Variants in TUBA8 observed in about 807,000 individuals in gnomAD.
The protein encoded by TUBA8 is tubulin alpha 8.
A neutral mutation model predicts 34.7 loss-of-function variants in TUBA8; 29 were observed. The observed-to-expected ratio is 0.84, with a 90% CI of 0.62 to 1.14. TUBA8 has a LOEUF of 1.14. TUBA8 is among the 50% of genes most tolerant of loss of function. The pLI is 0.00. For synonymous variants in TUBA8, 226 were observed against 231.2 expected (o/e 0.98, Z 0.21); for missense variants, 541 against 599.2 (o/e 0.90, Z 1.01).
In TUBA8 at chr22:18,130,984, G is replaced by A. The variant is rs201907012; in HGVS notation, c.1198G>A (p.Ala400Thr). Residue 400 changes from alanine to threonine, a missense_variant, in exon 5 of 5, where the codon GCC becomes ACC. Coordinates refer to ENST00000330423, the MANE Select transcript of TUBA8 (RefSeq NM_018943.3). ...CGACCACAAGTTCGACCTCATGTACGCCAAGCGGGCCTTTGTGCATTGGTA... is the reference window on the plus strand; with the variant it reads ...CGACCACAAGTTCGACCTCATGTACACCAAGCGGGCCTTTGTGCATTGGTA... ...RLDHKFDLMY[A>T]KRAFVHWYVG... 12 of 1,614,036 alleles carry A rather than the reference G, an allele frequency of 7.4e-6. No homozygotes were observed. Among genetic ancestry groups the A allele is most frequent in the Admixed American group, 5.0e-5 (3 of 60,004 alleles).
intron 1 of TUBA8, chr22:18,115,815 C>T (rs1927952561): frequency 6.6e-6 from 1 of 152,190 alleles, no homozygotes; most frequent in Admixed American, 6.5e-5. Context: ...GCTATCCCAG[C>T]GTGAGGTCTG....
intron 4 of TUBA8, chr22:18,129,145 G>T (rs1383506519): frequency 6.6e-6 from 1 of 151,976 alleles, no homozygotes; most frequent in Admixed American, 6.5e-5. Context: ...TAATCATCCT[G>T]GCAAAACCAG....
Position 18,124,242 on chromosome 22 carries a change from C to G in TUBA8, c.313C>G (p.Arg105Gly). ...GGAGGATGCAGCCAACAACTATGCC[C>G]GGGGCCACTACACGGTGGGCAAGGA... ...GKEDAANNYA[R>G]GHYTVGKESI... Residue 105 changes from arginine to glycine, a missense_variant, in exon 3 of 5, where the codon CGG becomes GGG. By Grantham distance (125) the Arg-to-Gly change is moderately radical. Coordinates refer to ENST00000330423, the MANE Select transcript of TUBA8 (RefSeq NM_018943.3). This position sits in a 1 kb window ranked among gnomAD's most constrained non-coding sequence, Gnocchi z 4.3. The G allele has an allele frequency of 1.2e-6, 2 of 1,614,122 alleles. No individual in the cohort carries two copies. Among genetic ancestry groups the G allele is most frequent in the Non-Finnish European group, 1.7e-6 (2 of 1,180,028 alleles).
chr22:18,123,968 C>A, intron 2 of TUBA8, 188 bp from the exon 3 acceptor site: 1 of 682,760 alleles, frequency 1.5e-6, no homozygotes, highest in Non-Finnish European at 2.5e-6. Flanking sequence ...CAGGCCTTGG[C>A]TCTGTTAGTC....
Position 18,126,734 on chromosome 22 carries a change from C to T in TUBA8, c.756C>T (p.Leu252=). 6.2e-7 allele frequency: 1 copy of T among 1,614,140 alleles called. No individual in the cohort carries two copies. The highest frequency in any genetic ancestry group is 8.5e-7 in the Non-Finnish European group (1 of 1,180,020). ...LRFDGALNVD[L]TEFQTNLVPY... is the part of the protein sequence containing the mutation. ...TTGACGGGGCCCTCAATGTGGACCT[C>T]ACTGAGTTCCAGACCAACCTGGTGC... is the stretch of plus-strand genomic sequence containing the variant. Residue 252 remains leucine (L), a synonymous_variant, in exon 4 of 5, where the codon CTC becomes CTT. Transcript: ENST00000330423. This position sits in a 1 kb window ranked among gnomAD's most constrained non-coding sequence, Gnocchi z 4.0.
Position 18,122,229 on chromosome 22 carries a change from C to G in TUBA8, c.226+528C>G, listed in dbSNP as rs3788286. 8.0e-4 allele frequency: 127 copies of G among 157,996 alleles called. 2 individuals are homozygous for G. The East Asian group carries it at 0.017, about 21-fold the overall frequency. 9.8% of individuals were successfully genotyped at this position (157,996 alleles called of 1,614,324 possible). On this transcript the variant is annotated intron_variant, in intron 2 of 4. Coordinates refer to ENST00000330423, the MANE Select transcript of TUBA8 (RefSeq NM_018943.3). ...TCTAGGCAGATCTCCCCTTCCCACA[C>G]TATCCCCCAGTAGTGCCACTTCCCC... is the stretch of plus-strand genomic sequence containing the variant.
chr22:18,116,967 C>T (rs774727066), intron 1 of TUBA8: 6 of 152,240 alleles, frequency 3.9e-5, no homozygotes, highest in African/African-American at 1.2e-4. Context: ...AACTTCAAAG[C>T]CCTAGCAATG....
intron 1 of TUBA8, chr22:18,117,811 A>T (rs1928019358): frequency 6.6e-6 from 1 of 151,346 alleles, no homozygotes; most frequent in African/African-American, 2.4e-5. Flanking sequence ...AATAAAAAAA[A>T]TTAAGAAAAA....
In TUBA8 at chr22:18,111,124, G is replaced by A. The variant is rs60765318; in HGVS notation, c.3+256G>A. ...AAGGGAGCTTTGCGTGCAGACGAGG[G>A]GGAGGGAGGCCCTGGGGAGCCCGAC... On this transcript the variant is annotated intron_variant, in intron 1 of 4. Coordinates refer to ENST00000330423, the MANE Select transcript of TUBA8 (RefSeq NM_018943.3). The surrounding 1 kb of genome is among the most constrained non-coding windows in gnomAD (Gnocchi z 5.1). 2,125 of 597,760 alleles carry A rather than the reference G, an allele frequency of 3.6e-3. 37 individuals are homozygous for A. The highest frequency in any genetic ancestry group is 0.033 in the African/African-American group (1,765 of 52,890). The allele number at this position is 597,760 out of a possible 1,614,324, so 37.0% of individuals were successfully genotyped here.
chr22:18,124,048 A>G lies in TUBA8; in HGVS notation c.227-108A>G. The G allele has an allele frequency of 7.1e-7, 1 of 1,406,690 alleles. No individual in the cohort carries two copies. The highest frequency in any genetic ancestry group is 1.4e-5 in the African/African-American group (1 of 71,176). The allele number at this position is 1,406,690 out of a possible 1,614,324, so 87.1% of individuals were successfully genotyped here. A position where few individuals can be genotyped will look rare whatever the true frequency, so the allele number is the denominator to read the frequency against. ...CGAGGTGGTCTGGCTTCAAACCTCC[A>G]TGGAGTTTTATAGGTAGGGGAGAAC... On this transcript the variant is annotated intron_variant, in intron 2 of 4. Coordinates refer to ENST00000330423, the MANE Select transcript of TUBA8 (RefSeq NM_018943.3). The surrounding 1 kb of genome is among the most constrained non-coding windows in gnomAD (Gnocchi z 4.3).
At position 18,130,980 on chromosome 22, in the gene TUBA8, G is replaced by A; in HGVS notation, c.1194G>A (p.Met398Ile). 1 of 1,614,202 alleles carries A rather than the reference G, an allele frequency of 6.2e-7. No homozygotes were observed. The change falls in exon 5 of 5, where the codon ATG becomes ATA. Residue 398 changes from methionine to isoleucine, a missense_variant. Met to Ile is a conservative substitution (Grantham distance 10, BLOSUM62 1). Coordinates refer to ENST00000330423, the MANE Select transcript of TUBA8 (RefSeq NM_018943.3). The stretch of plus-strand genomic sequence containing the variant: ...GCCTCGACCACAAGTTCGACCTCAT[G>A]TACGCCAAGCGGGCCTTTGTGCATT... ...WARLDHKFDL[M>I]YAKRAFVHWY...
chr22:18,124,972 AC>A lies in TUBA8; in HGVS notation c.375+669del, dbSNP rs1186366895. Reference sequence around the variant, plus strand: ...TTTCCCTGGGAGGTAAGGGTGCCAAACTTTTGCATATATTCACTTTTTCTGT... The same window carrying A: ...TTTCCCTGGGAGGTAAGGGTGCCAAATTTTGCATATATTCACTTTTTCTGT... On this transcript the variant is annotated intron_variant, in intron 3 of 4. Transcript: ENST00000330423. This position sits in a 1 kb window ranked among gnomAD's most constrained non-coding sequence, Gnocchi z 4.3. The A allele has an allele frequency of 6.6e-6, 1 of 152,154 alleles. No homozygotes were observed. The highest frequency in any genetic ancestry group is 1.9e-4 in the East Asian group (1 of 5,184). The allele number at this position is 152,154 out of a possible 1,614,324, so 9.4% of individuals were successfully genotyped here.
In TUBA8 at chr22:18,121,785, C is replaced by T. The variant is rs1277856570; in HGVS notation, c.226+84C>T. 1.4e-6 allele frequency: 2 copies of T among 1,379,798 alleles called. No individual in the cohort carries two copies. Among genetic ancestry groups the T allele is most frequent in the Non-Finnish European group, 2.0e-6 (2 of 989,392 alleles). 85.5% of individuals were successfully genotyped at this position (1,379,798 alleles called of 1,614,324 possible). The stretch of plus-strand genomic sequence containing the variant: ...CCCACAGTAGCTAAGGAAGCAGCGT[C>T]TCTAGCTGGAAGGTGGGGATGGTGC... On this transcript the variant is annotated intron_variant, in intron 2 of 4. Coordinates refer to ENST00000330423, the MANE Select transcript of TUBA8 (RefSeq NM_018943.3). This position sits in a 1 kb window ranked among gnomAD's most constrained non-coding sequence, Gnocchi z 4.8.
At chr22:18,117,760 G>A (rs1488343531) in intron 1 of TUBA8, 4 of 134,944 alleles carry the variant, frequency 3.0e-5, no homozygotes, top group South Asian at 2.4e-4. Context: ...GGGCGTCAGA[G>A]TGAGACTCCG....
intron 4 of TUBA8, chr22:18,128,168 C>G (rs1310530688): frequency 6.6e-6 from 1 of 152,164 alleles, no homozygotes; most frequent in South Asian, 2.1e-4. Flanking sequence ...TCCTGCACAT[C>G]TTAATCAATT....
At position 18,131,060 on chromosome 22, in the gene TUBA8, T is replaced by C. The variant is rs758579302; in HGVS notation, c.1274T>C (p.Leu425Ser). ...EGEFSEARED[L>S]AALEKDYEEV... ...GAATTTTCTGAGGCCAGGGAAGACT[T>C]AGCTGCCCTGGAGAAGGATTATGAA... The change falls in exon 5 of 5, where the codon TTA becomes TCA. Residue 425 changes from leucine (L) to serine (S), a missense_variant. Transcript: ENST00000330423. The surrounding 1 kb of genome is among the most constrained non-coding windows in gnomAD (Gnocchi z 5.3). The C allele has an allele frequency of 6.2e-7, 1 of 1,614,146 alleles. No individual in the cohort carries two copies. Among genetic ancestry groups the C allele is most frequent in the Non-Finnish European group, 8.5e-7 (1 of 1,179,988 alleles).
Position 18,111,037 on chromosome 22 carries a change from C to A in TUBA8, c.3+169C>A. The A allele has an allele frequency of 2.0e-6, 2 of 986,778 alleles. No homozygotes were observed. Among genetic ancestry groups the A allele is most frequent in the South Asian group, 1.5e-5 (1 of 68,690 alleles). 61.1% of individuals were successfully genotyped at this position (986,778 alleles called of 1,614,324 possible). On this transcript the variant is annotated intron_variant, in intron 1 of 4. Coordinates refer to ENST00000330423, the MANE Select transcript of TUBA8 (RefSeq NM_018943.3). This position sits in a 1 kb window ranked among gnomAD's most constrained non-coding sequence, Gnocchi z 5.1. Reference sequence around the variant, plus strand: ...GTCCGCACCCTCGGGCGGGAACACCCGGTGCCCTTTATCGTATGGGGGAAA... The same window carrying A: ...GTCCGCACCCTCGGGCGGGAACACCAGGTGCCCTTTATCGTATGGGGGAAA...
chr22:18,131,444 C>A lies in TUBA8; in HGVS notation c.*308C>A. ...TCAGGAGTTTCAATTCCAGATCGGG[C>A]TGGGTCCAGCCCCAAAACATGGCCT... On this transcript the variant is annotated 3_prime_UTR_variant, in exon 5 of 5. Transcript: ENST00000330423. This position sits in a 1 kb window ranked among gnomAD's most constrained non-coding sequence, Gnocchi z 5.3. The A allele has an allele frequency of 2.6e-6, 1 of 383,458 alleles. No homozygotes were observed. The highest frequency in any genetic ancestry group is 2.4e-5 in the South Asian group (1 of 41,518). The allele number at this position is 383,458 out of a possible 1,614,324, so 23.8% of individuals were successfully genotyped here. A position where few individuals can be genotyped will look rare whatever the true frequency, so the allele number is the denominator to read the frequency against.
At position 18,119,810 on chromosome 22, in the gene TUBA8, C is replaced by A. The variant is rs572101880; in HGVS notation, c.4-1669C>A. ...CTCTCCATGCCCAGAATTTCTTCCA[C>A]GTCTCCAGGAGCCCCACACTTTGAC... On this transcript the variant is annotated intron_variant, in intron 1 of 4. Transcript: ENST00000330423. The surrounding 1 kb of genome is among the most constrained non-coding windows in gnomAD (Gnocchi z 5.9). 2.0e-5 allele frequency: 3 copies of A among 152,356 alleles called. No homozygotes were observed. The highest frequency in any genetic ancestry group is 7.2e-5 in the African/African-American group (3 of 41,476). 9.4% of individuals were successfully genotyped at this position (152,356 alleles called of 1,614,324 possible).
Sources: gnomAD v4.1 joint callset for allele counts on GRCh38, gnomAD v4.1.1 for gene constraint, Gnocchi (gnomAD v3.1) non-coding constraint, MANE v1.5 for transcripts, NCBI Gene and HGNC (gene_info 2026-07-23, HGNC 2026-07-21) for gene names.